The following DGKB variants were observed in gnomAD, a reference collection of about 807,000 sequenced individuals.
DGKB encodes the protein diacylglycerol kinase beta.
DGKB carries 67 observed loss-of-function variants against 114.3 expected under a neutral mutation model. That is an observed-to-expected ratio of 0.59 (90% CI 0.48 to 0.72). The LOEUF (loss-of-function observed/expected upper bound fraction) is 0.72, where lower values mean the gene tolerates loss of function less well. Ranked by LOEUF, DGKB falls within the 30% of genes least tolerant of loss-of-function variation. The probability of loss-of-function intolerance (pLI) is 0.00; values close to 1 mark genes in which losing one functional copy is unlikely to be tolerated. For missense variants in DGKB, 907 were observed against 975.2 expected (o/e 0.93, Z 0.93); for synonymous variants, 398 against 323.1 (o/e 1.23, Z -2.49).
intron 7 of DGKB, among the ~76,000 whole-genome samples, chr7:14,701,244 T>C (rs1825117709): frequency 1.3e-5 from 2 of 152,330 alleles, no homozygotes; most frequent in South Asian, 2.1e-4. Flanking sequence ...AAAGATACCA[T>C]GTAAAACTGG....
At chr7:14,595,431 T>C (rs1802409906) in intron 17 of DGKB, among the ~76,000 whole-genome samples, 1 of 152,062 alleles carries the variant, frequency 6.6e-6, no homozygotes. Flanking sequence ...CATGGACTAT[T>C]GAACATAATA....
chr7:14,657,346 T>C (rs1485790235), intron 13 of DGKB, among the ~76,000 whole-genome samples: 4 of 151,888 alleles, frequency 2.6e-5, no homozygotes, highest in Non-Finnish European at 5.9e-5. Flanking sequence ...CTGAGTTAGA[T>C]TTCCAAAATA....
intron 21 of DGKB, among the ~76,000 whole-genome samples, chr7:14,362,026 T>C (rs978206111): frequency 1.3e-5 from 2 of 152,128 alleles, no homozygotes. Flanking sequence ...CTGAATATTA[T>C]TGGATATTTA....
At chr7:14,595,008 G>A (rs568800581) in intron 17 of DGKB, among the ~76,000 whole-genome samples, 4 of 152,200 alleles carry the variant, frequency 2.6e-5, no homozygotes, top group Admixed American at 2.6e-4. Flanking sequence ...TGAGAAGGCA[G>A]ACAAGAAAAC....
chr7:14,393,470 C>T (rs991045879), intron 21 of DGKB, among the ~76,000 whole-genome samples: 3 of 152,086 alleles, frequency 2.0e-5, no homozygotes, highest in Admixed American at 1.3e-4. Context: ...TTAATGCATA[C>T]TATGTAGAAA....
At chr7:14,313,320 G>A (rs6461084) in intron 23 of DGKB, among the ~76,000 whole-genome samples, 1,762 of 152,220 alleles carry the variant, frequency 0.012, 36 homozygotes, top group African/African-American at 0.04. Flanking sequence ...CAGCCTGAGC[G>A]ACGCAGAAGA....
At chr7:14,462,850 G>A (rs754345915) in intron 21 of DGKB, among the ~76,000 whole-genome samples, 12 of 152,076 alleles carry the variant, frequency 7.9e-5, no homozygotes, top group South Asian at 2.1e-4. Context: ...TATATGACAA[G>A]GCTACAGTAA....
intron 20 of DGKB, among the ~76,000 whole-genome samples, chr7:14,489,583 C>T (rs73679796): frequency 0.02 from 2,986 of 152,226 alleles, 86 homozygotes; most frequent in African/African-American, 0.068. Flanking sequence ...GACTTATCAT[C>T]TTTGAATACC....
chr7:14,689,194 C>CTTTTTTTT (rs1563917251), intron 9 of DGKB, among the ~76,000 whole-genome samples: 2 of 92,326 alleles, frequency 2.2e-5, no homozygotes, highest in Non-Finnish European at 4.5e-5. Flanking sequence ...ACAGAAACTC[C>CTTTTTTTT]TCTTATTTTT....
intron 13 of DGKB, among the ~76,000 whole-genome samples, chr7:14,644,606 TC>T (rs1245637308): frequency 6.6e-6 from 1 of 151,942 alleles, no homozygotes; most frequent in Non-Finnish European, 1.5e-5. Context: ...AGAAATAATT[TC>T]CGAGCTTAAA....
intron 23 of DGKB, among the ~76,000 whole-genome samples, chr7:14,333,049 C>T (rs1053371105): frequency 6.6e-6 from 1 of 152,124 alleles, no homozygotes; most frequent in African/African-American, 2.4e-5. Flanking sequence ...AAGCAGTCAA[C>T]AACTTCATTT....
chr7:14,573,326 T>C (rs1798653720), intron 20 of DGKB, among the ~76,000 whole-genome samples: 1 of 152,126 alleles, frequency 6.6e-6, no homozygotes, highest in Non-Finnish European at 1.5e-5. Flanking sequence ...GAGGAAATAA[T>C]AACCAGCATG....
At chr7:14,188,771 C>T (rs1308975474) in intron 23 of DGKB, among the ~76,000 whole-genome samples, 2 of 148,530 alleles carry the variant, frequency 1.3e-5, no homozygotes. Context: ...TGAAATAATT[C>T]TAAAATCTAC....
intron 23 of DGKB, among the ~76,000 whole-genome samples, chr7:14,253,957 T>C (rs1373688833): frequency 1.3e-5 from 2 of 152,224 alleles, no homozygotes; most frequent in East Asian, 3.9e-4. Context: ...TATGTGTTAT[T>C]TATAACTGTC....
intron 23 of DGKB, among the ~76,000 whole-genome samples, chr7:14,304,012 C>T (rs1030612341): frequency 4.8e-5 from 7 of 146,698 alleles, no homozygotes; most frequent in Admixed American, 1.4e-4. Flanking sequence ...TTTAATGTTA[C>T]CTGTCTGCTA....
At chr7:14,835,315 C>T (rs1847000499) in intron 2 of DGKB, among the ~76,000 whole-genome samples, 1 of 152,178 alleles carries the variant, frequency 6.6e-6, no homozygotes, top group African/African-American at 2.4e-5. Flanking sequence ...CCACCACTAT[C>T]ACAATCCTAA....
chr7:14,273,701 C>T (rs542738381), intron 23 of DGKB, among the ~76,000 whole-genome samples: 1 of 152,166 alleles, frequency 6.6e-6, no homozygotes, highest in East Asian at 1.9e-4. Context: ...TCTCCACTGG[C>T]TAAGCTCATT....
intron 25 of DGKB, chr7:14,176,416 C>T (rs1295184995): frequency 4.1e-6 from 4 of 985,700 alleles, no homozygotes; most frequent in South Asian, 4.7e-5. Flanking sequence ...CCCTCAAATC[C>T]CCAAATGGAG....
intron 12 of DGKB, among the ~76,000 whole-genome samples, chr7:14,676,265 C>G (rs1487265592): frequency 2.6e-5 from 4 of 151,950 alleles, no homozygotes; most frequent in Middle Eastern, 3.4e-3. Context: ...TCATTGGGCT[C>G]TGCCCTTTGG....
Sources: gnomAD v4.1 joint callset for allele counts (sites outside exome capture counted in the v4.1 genomes callset) on GRCh38, gnomAD v4.1.1 for gene constraint, MANE v1.5 for transcripts, NCBI Gene and HGNC (gene_info 2026-07-23, HGNC 2026-07-21) for gene names.